DGKZ: variants seen among roughly 807,000 people sequenced by gnomAD.
DGKZ encodes the protein DAG kinase zeta.
DGKZ carries 45 observed loss-of-function variants against 142.5 expected under a neutral mutation model. The observed-to-expected ratio is 0.32, with a 90% confidence interval of 0.25 to 0.40. The LOEUF (loss-of-function observed/expected upper bound fraction) is 0.40. Among genes scored for constraint, DGKZ ranks in the 10% least tolerant of loss-of-function variants. The pLI, the probability that DGKZ is intolerant of heterozygous loss-of-function variation, is 1.00. For missense variants in DGKZ, 755 were observed against 1,306.5 expected, an observed-to-expected ratio of 0.58 and a Z score of 6.51; for synonymous variants, 442 against 527.0, an observed-to-expected ratio of 0.84 and a Z score of 2.21.
upstream of DGKZ, chr11:46,345,420 C>G: frequency 2.1e-6 from 3 of 1,443,870 alleles, no homozygotes; most frequent in Admixed American, 3.3e-5. This position sits in a 1 kb window ranked among gnomAD's most constrained non-coding sequence, Gnocchi z 4.1. Context: ...ATGAGCGCAC[C>G]GGGGGCTGGC....
chr11:46,371,458 C>T (rs766408338), intron 7 of DGKZ, 29 bp from the exon 8 acceptor site: 14 of 1,602,332 alleles, frequency 8.7e-6, no homozygotes, highest in Admixed American at 3.4e-5. Flanking sequence ...AACACGGTCC[C>T]GCTGAGCCCG....
intron 1 of DGKZ, among the ~76,000 whole-genome samples, chr11:46,352,284 G>T (rs1941485140): frequency 2.0e-5 from 3 of 152,248 alleles, no homozygotes; most frequent in Admixed American, 6.5e-5. Flanking sequence ...CTGCCCTGCA[G>T]TGCCTCTGGA....
chr11:46,378,634 C>G (rs1401734540), intron 27 of DGKZ, 134 bp downstream of exon 27: 20 of 1,217,926 alleles, frequency 1.6e-5, no homozygotes, highest in Non-Finnish European at 2.1e-5. Context: ...TGTGGGATCT[C>G]CAGTGATCGT....
intron 1 of DGKZ, among the ~76,000 whole-genome samples, chr11:46,349,987 T>C (rs1391597983): frequency 6.6e-6 from 1 of 152,096 alleles, no homozygotes; most frequent in Non-Finnish European, 1.5e-5. Flanking sequence ...TCCCATCAAG[T>C]TTGAGAAGCA....
rs575101105 is a variant in DGKZ, at chr11:46,373,104, A to G, written c.1326+3A>G. On this transcript the variant is annotated splice_donor_region_variant and intron_variant, in intron 14 of 30. Coordinates refer to ENST00000527911, the Ensembl canonical transcript of DGKZ. ...GAGATGAAGGCGCCACCGACCGGGT[A>G]AGTTGGCCAGGGTTGGTGGGGGGCA... 57 of 1,542,530 alleles carry G rather than the reference A, an allele frequency of 3.7e-5. No individual in the cohort carries two copies. In the Admixed American group the frequency reaches 1.1e-3, roughly 31 times the overall value.
chr11:46,369,162 C>A, intron 4 of DGKZ: 2 of 382,070 alleles, frequency 5.2e-6, no homozygotes, highest in Non-Finnish European at 1.0e-5. Context: ...GGCAACAGAG[C>A]GAGACTCTGT....
At chr11:46,361,820 A>G (rs1367314673) in intron 1 of DGKZ, 5 of 322,952 alleles carry the variant, frequency 1.5e-5, no homozygotes, top group African/African-American at 9.0e-5. Context: ...ATCCCTAGGC[A>G]AGGAGCCTGC....
chr11:46,347,494 T>A lies in DGKZ; in HGVS notation c.-166T>A. 2.0e-6 allele frequency: 2 copies of A among 981,412 alleles called. No individual in the cohort carries two copies. The highest frequency in any genetic ancestry group is 2.4e-6 in the Non-Finnish European group (2 of 828,658). The allele number at this position is 981,412 out of a possible 1,614,324, so 60.8% of individuals were successfully genotyped here. Reference sequence around the variant, plus strand: ...TCCTGGAGCGGCGGCGGCAGCGGCTTCCCGGGCACCTGGGCGTGGGGAGCG... The same window carrying A: ...TCCTGGAGCGGCGGCGGCAGCGGCTACCCGGGCACCTGGGCGTGGGGAGCG... On this transcript the variant is annotated 5_prime_UTR_variant, in exon 1 of 31. Transcript: ENST00000527911. The surrounding 1 kb of genome is among the most constrained non-coding windows in gnomAD (Gnocchi z 6.4).
At chr11:46,375,034 A>C in exon 19 of DGKZ, 7 of 1,601,260 alleles carry the variant, frequency 4.4e-6, no homozygotes, top group Non-Finnish European at 5.9e-6. Context: ...TGGCTTCACC[A>C]TGACGTCGTT....
At chr11:46,379,046 G>T (rs575190141) in exon 28 of DGKZ, 1 of 1,594,986 alleles carries the variant, frequency 6.3e-7, no homozygotes, top group Non-Finnish European at 8.5e-7. Context: ...GAGCAGAGTC[G>T]CACGCTCCTG....
intron 20 of DGKZ, 106 bp downstream of exon 20, chr11:46,375,737 G>A: frequency 2.0e-6 from 3 of 1,502,520 alleles, no homozygotes; most frequent in Non-Finnish European, 1.8e-6. Context: ...CTCTGCCCCA[G>A]GGGTGTTGGG....
intron 30 of DGKZ, 88 bp downstream of exon 30, chr11:46,379,656 C>T: frequency 7.4e-7 from 1 of 1,353,538 alleles, no homozygotes; most frequent in Non-Finnish European, 1.0e-6. Context: ...GGGGGCTGTC[C>T]CTGGGAAGAC....
chr11:46,356,756 G>A (rs890249223), intron 1 of DGKZ, among the ~76,000 whole-genome samples: 3 of 152,164 alleles, frequency 2.0e-5, no homozygotes, highest in Non-Finnish European at 2.9e-5. Context: ...TTAGCTGGAC[G>A]ACTTCAGGCA....
chr11:46,338,674 AT>A (rs1264712287), intron 1 of DGKZ: 5 of 152,262 alleles, frequency 3.3e-5, no homozygotes, highest in African/African-American at 1.2e-4. Context: ...TGGCACATGC[AT>A]CCCACCAAGA....
At chr11:46,369,812 C>T (rs1289543795) in intron 5 of DGKZ, 129 bp from the exon 6 acceptor site, 2 of 1,037,036 alleles carry the variant, frequency 1.9e-6, no homozygotes, top group East Asian at 2.5e-5. Context: ...GTCTTTAGCC[C>T]CTCCTCCACT....
Position 46,367,120 on chromosome 11 carries a change from C to T in DGKZ, c.162-171C>T. ...TGGGCAGTACCCTGAAGCCAGCGTA[C>T]CCCAAAAGGCCATGTCTCTTGCAGG... On this transcript the variant is annotated intron_variant, in intron 1 of 30. Coordinates refer to ENST00000527911, the Ensembl canonical transcript of DGKZ. The surrounding 1 kb of genome is among the most constrained non-coding windows in gnomAD (Gnocchi z 4.1). 7.8e-7 allele frequency: 1 copy of T among 1,287,856 alleles called. No individual in the cohort carries two copies. The highest frequency in any genetic ancestry group is 1.4e-5 in the South Asian group (1 of 73,638). 79.8% of individuals were successfully genotyped at this position (1,287,856 alleles called of 1,614,324 possible).
intron 22 of DGKZ, 85 bp from the exon 23 acceptor site, chr11:46,376,243 C>T (rs1944519867): frequency 2.5e-6 from 4 of 1,607,078 alleles, no homozygotes; most frequent in Admixed American, 3.3e-5. Context: ...GCGGAGCCTC[C>T]TCTGTGCTGG....
upstream of DGKZ, chr11:46,345,236 C>T (rs1321103563): frequency 1.5e-6 from 2 of 1,348,992 alleles, no homozygotes; most frequent in Non-Finnish European, 1.9e-6. This position sits in a 1 kb window ranked among gnomAD's most constrained non-coding sequence, Gnocchi z 4.1. Flanking sequence ...TCCCCACCTG[C>T]CCCTTGCTTT....
At chr11:46,373,483 CTTGTTTTTTTTT>C (rs1383781361) in intron 14 of DGKZ, among the ~76,000 whole-genome samples, 1 of 143,694 alleles carries the variant, frequency 7.0e-6, no homozygotes, top group African/African-American at 2.6e-5. Context: ...TTTTTTTTTT[CTTGTTTTTTTTT>C]TTGTTTTTGT....
Sources: gnomAD v4.1 joint callset for allele counts (sites outside exome capture counted in the v4.1 genomes callset) on GRCh38, gnomAD v4.1.1 for gene constraint, Gnocchi (gnomAD v3.1) non-coding constraint, MANE v1.5 for transcripts, NCBI Gene and HGNC (gene_info 2026-07-23, HGNC 2026-07-21) for gene names.